Variants in OTOGL observed in about 807,000 individuals in gnomAD.
The protein encoded by OTOGL is otogelin like, also known as otogelin-like protein.
Under a neutral mutation model 318.5 loss-of-function variants are expected in OTOGL, and 285 were observed. The ratio of observed to expected loss-of-function variants is 0.89; its 90% CI spans 0.81 to 0.99. The LOEUF is 0.99. Ranked by LOEUF, OTOGL falls within the 50% of genes least tolerant of loss-of-function variation. OTOGL has a pLI of 0.00. For synonymous variants in OTOGL, 987 were observed against 936.5 expected, an observed-to-expected ratio of 1.05 and a Z score of -0.99; for missense variants, 2,899 against 2,845.6, an observed-to-expected ratio of 1.02 and a Z score of -0.43.
intron 49 of OTOGL, among the ~76,000 whole-genome samples, chr12:80,357,738 T>C (rs1415518885): frequency 6.6e-6 from 1 of 152,154 alleles, no homozygotes; most frequent in African/African-American, 2.4e-5. Context: ...TTCCGATTAC[T>C]CCTATGTGGG....
chr12:80,312,697 G>T (rs969084117), intron 30 of OTOGL, among the ~76,000 whole-genome samples: 3 of 152,202 alleles, frequency 2.0e-5, no homozygotes, highest in African/African-American at 7.2e-5. Context: ...CAAGTCTGGA[G>T]TCCTGAACCA....
intron 1 of OTOGL, among the ~76,000 whole-genome samples, chr12:80,199,809 G>GATGCTGA (rs1592539304): frequency 6.6e-6 from 1 of 152,150 alleles, no homozygotes; most frequent in Non-Finnish European, 1.5e-5. Context: ...CCAGATGCTG[G>GATGCTGA]ATGCTGAATT....
intron 1 of OTOGL, among the ~76,000 whole-genome samples, chr12:80,114,508 T>A (rs1284672541): frequency 6.6e-6 from 1 of 152,326 alleles, no homozygotes; most frequent in South Asian, 2.1e-4. Context: ...CTTCCCTTTG[T>A]GGGTAACCTG....
At chr12:80,265,452 G>T (rs566455192) in intron 20 of OTOGL, 35 of 505,494 alleles carry the variant, frequency 6.9e-5, no homozygotes, top group Non-Finnish European at 1.2e-4. Flanking sequence ...ACTATGTTTT[G>T]AAATACGCAA....
intron 55 of OTOGL, among the ~76,000 whole-genome samples, chr12:80,368,821 T>G (rs1327509703): frequency 1.4e-3 from 1 of 716 alleles, no homozygotes; most frequent in East Asian, 0.1. Context: ...CAACTACTAT[T>G]TTTTTTTTTT....
In OTOGL at chr12:80,140,474, A is replaced by C. The variant is rs141089206; in HGVS notation, c.-20+40869A>C. 4.4e-3 allele frequency among the ~76,000 whole-genome samples: 665 copies of C among 152,346 alleles called. 5 individuals are homozygous for C. The highest frequency in any genetic ancestry group is 0.015 in the African/African-American group (639 of 41,586). On this transcript the variant is annotated intron_variant, in intron 1 of 58. Transcript: ENST00000547103. Reference sequence around the variant, plus strand: ...CATCCTTAAGTAAATAAAGGAACACATCAAATGTTATGAATTTCTTTATTA... The same window carrying C: ...CATCCTTAAGTAAATAAAGGAACACCTCAAATGTTATGAATTTCTTTATTA...
intron 15 of OTOGL, 142 bp downstream of exon 15, chr12:80,254,712 G>A: frequency 4.5e-6 from 3 of 665,998 alleles, no homozygotes; most frequent in South Asian, 3.8e-5. Flanking sequence ...GAGGATACAT[G>A]GAAAATTGAA....
chr12:80,367,605 C>A lies in OTOGL; in HGVS notation c.6376C>A (p.Pro2126Thr), dbSNP rs767915327. The change falls in exon 54 of 59, where the codon CCT becomes ACT. Residue 2126 changes from proline (P) to threonine (T), a missense_variant. This residue lies in a region of OTOGL where 289 missense variants were observed against 304.6 expected (regional missense o/e 0.95). Transcript: ENST00000547103. ...ATTTCAAGAAGTATCAGTATTGAAT[C>A]CTGGACAATCCATGATAAAGTATTT... ...CVFQEVSVLN[P>T]GQSMIKYLEE... The A allele has an allele frequency of 1.3e-6, 2 of 1,545,778 alleles. No homozygotes were observed. Among genetic ancestry groups the A allele is most frequent in the Non-Finnish European group, 1.8e-6 (2 of 1,137,316 alleles).
rs1210100919 is a variant in OTOGL at position 80,251,989 on chromosome 12, A to AT, written c.1160-81dup. The AT allele has an allele frequency of 2.0e-5, 27 of 1,370,296 alleles. No individual in the cohort carries two copies. In the Middle Eastern group the frequency reaches 8.0e-4, roughly 40 times the overall value. 84.9% of individuals were successfully genotyped at this position (1,370,296 alleles called of 1,614,324 possible). A position where few individuals can be genotyped will look rare whatever the true frequency, so the allele number is the denominator to read the frequency against. On this transcript the variant is annotated intron_variant, in intron 12 of 58. Coordinates refer to ENST00000547103, the MANE Select transcript of OTOGL (RefSeq NM_001378609.3). ...AATTAAAAGTTATTTTTTGCAAATT[A>AT]TTTTTTGTAAAAAATAAAATTATAA...
chr12:80,370,284 T>A (rs1355326399), intron 55 of OTOGL, among the ~76,000 whole-genome samples: 1 of 152,044 alleles, frequency 6.6e-6, no homozygotes, highest in Non-Finnish European at 1.5e-5. Context: ...TCACTCTCTA[T>A]TGTTTTATTT....
chr12:80,221,923 G>GT (rs1878382274), intron 6 of OTOGL, among the ~76,000 whole-genome samples, 168 bp from the exon 7 acceptor site: 1 of 152,090 alleles, frequency 6.6e-6, no homozygotes, highest in African/African-American at 2.4e-5. Flanking sequence ...AGGGGAGTTT[G>GT]ATAGTTTTGA....
chr12:80,153,553 A>G (rs914985710), intron 1 of OTOGL, among the ~76,000 whole-genome samples: 11 of 152,230 alleles, frequency 7.2e-5, no homozygotes, highest in Non-Finnish European at 1.3e-4. Context: ...TTGACACATC[A>G]TAATCACCCA....
At chr12:80,368,384 C>G in intron 55 of OTOGL, 75 bp downstream of exon 55, 1 of 738,260 alleles carries the variant, frequency 1.4e-6, no homozygotes, top group South Asian at 1.7e-5. Context: ...TGGAAAATGT[C>G]CCCCCCCACA....
chr12:80,243,952 A>C (rs552302923), intron 11 of OTOGL, among the ~76,000 whole-genome samples: 1 of 150,152 alleles, frequency 6.7e-6, no homozygotes, highest in South Asian at 2.1e-4. Context: ...CTTTAGTCTA[A>C]AGGCTTCAAC....
intron 19 of OTOGL, 136 bp downstream of exon 19, chr12:80,262,229 ATTT>A: frequency 1.1e-6 from 1 of 872,568 alleles, no homozygotes; most frequent in Non-Finnish European, 1.5e-6. Context: ...TTCCTCGTGT[ATTT>A]TTTTTTTGCT....
chr12:80,301,336 A>G (rs1466166342), intron 27 of OTOGL, among the ~76,000 whole-genome samples: 2 of 152,124 alleles, frequency 1.3e-5, no homozygotes, highest in East Asian at 3.9e-4. Flanking sequence ...TCCATCTCTC[A>G]TTTCTCTCTG....
chr12:80,194,629 G>A (rs1263622700), intron 1 of OTOGL, among the ~76,000 whole-genome samples: 1 of 152,110 alleles, frequency 6.6e-6, no homozygotes, highest in African/African-American at 2.4e-5. Context: ...AACATTTGTT[G>A]ACTAAATGAG....
chr12:80,272,029 G>A (rs1020314570), intron 24 of OTOGL, among the ~76,000 whole-genome samples: 2 of 152,076 alleles, frequency 1.3e-5, no homozygotes, highest in African/African-American at 4.8e-5. Context: ...CTCATTTCTG[G>A]ATGAAGCTGG....
chr12:80,286,739 A>G (rs527816268), intron 26 of OTOGL, among the ~76,000 whole-genome samples: 17 of 150,818 alleles, frequency 1.1e-4, no homozygotes, highest in Non-Finnish European at 2.2e-4. Context: ...CATTTTTTTT[A>G]TTGTGTCTCT....
Sources: allele counts gnomAD v4.1 joint callset (sites outside exome capture counted in the v4.1 genomes callset), GRCh38; gene constraint gnomAD v4.1.1; regional missense constraint gnomAD v4.1.1; transcripts MANE v1.5; gene names NCBI Gene and HGNC (gene_info 2026-07-23, HGNC 2026-07-21).